Variants in TOM1L2 observed in about 807,000 individuals in gnomAD.
TOM1L2 encodes the protein target of myb1 like 2 membrane trafficking protein.
TOM1L2 carries 31 observed loss-of-function variants against 67.9 expected under a neutral mutation model. The observed-to-expected ratio is 0.46, with a 90% CI of 0.34 to 0.62. TOM1L2 has a LOEUF of 0.62. Ranked by LOEUF, TOM1L2 falls within the 20% of genes least tolerant of loss-of-function variation. The pLI is 0.01. For missense variants in TOM1L2, 606 were observed against 663.5 expected, an observed-to-expected ratio of 0.91 and a Z score of 0.95; for synonymous variants, 256 against 254.0, an observed-to-expected ratio of 1.01 and a Z score of -0.07.
At position 17,912,322 on chromosome 17, in the gene TOM1L2, G is replaced by A. The variant is rs1465879396; in HGVS notation, c.53-4791C>T. On this transcript the variant is annotated intron_variant, in intron 1 of 14. Transcript: ENST00000379504. ...CTCCCTCCCGGACGGGGTGGCTGCC[G>A]GGCGGAGACGCTCCTCACTTCCCAG... Among the ~76,000 whole-genome samples, 65 of 150,594 alleles carry A rather than the reference G, an allele frequency of 4.3e-4. 1 individual carries two copies. Among genetic ancestry groups the A allele is most frequent in the Admixed American group, 4.2e-3 (64 of 15,164 alleles).
chr17:17,970,003 A>C (rs2042006321), intron 1 of TOM1L2, among the ~76,000 whole-genome samples: 1 of 151,864 alleles, frequency 6.6e-6, no homozygotes, highest in African/African-American at 2.4e-5. Flanking sequence ...AGCTCTTTCC[A>C]CTTGCTATAT....
At chr17:17,849,296 A>G (rs1330143971) in intron 13 of TOM1L2, among the ~76,000 whole-genome samples, 1 of 152,220 alleles carries the variant, frequency 6.6e-6, no homozygotes, top group Non-Finnish European at 1.5e-5. Flanking sequence ...ACTGCCAGCC[A>G]CAGGGTTTCT....
rs2041989817 is a variant in TOM1L2, at chr17:17,969,508, CA to C, written c.52+2753del. Among the ~76,000 whole-genome samples, 6 of 149,504 alleles carry C rather than the reference CA, an allele frequency of 4.0e-5. No individual in the cohort carries two copies. In the South Asian group the frequency reaches 1.3e-3, roughly 33 times the overall value. ...AAGTCACTTTGACACTTTGTCACAA[CA>C]GTACGGAATATACATTAGAACCTAA... On this transcript the variant is annotated intron_variant, in intron 1 of 14. Transcript: ENST00000379504.
intron 1 of TOM1L2, among the ~76,000 whole-genome samples, chr17:17,952,036 A>G (rs1037488924): frequency 5.3e-5 from 8 of 152,216 alleles, no homozygotes; most frequent in African/African-American, 1.2e-4. Context: ...ACAAATATAG[A>G]AATGCACAAA....
rs1368741821 is a variant in TOM1L2 at position 17,870,222 on chromosome 17, G to A, written c.778-749C>T. ...CGAAAGAGGAAATTCGCACACCCCC[G>A]GTTGCCCCTGGAGCCCTCTCTACCC... On this transcript the variant is annotated intron_variant, in intron 7 of 14. Coordinates refer to ENST00000379504, the MANE Select transcript of TOM1L2 (RefSeq NM_001082968.2). Among the ~76,000 whole-genome samples the A allele has an allele frequency of 3.3e-5, 5 of 152,168 alleles. No homozygotes were observed. In the South Asian group the frequency reaches 8.3e-4, roughly 25 times the overall value.
chr17:17,964,365 T>G (rs890184651), intron 1 of TOM1L2, among the ~76,000 whole-genome samples: 1 of 152,104 alleles, frequency 6.6e-6, no homozygotes, highest in Non-Finnish European at 1.5e-5. Context: ...TTTCCTAATA[T>G]CCCAAGTAAA....
chr17:17,857,644 A>G, intron 12 of TOM1L2: 1 of 775,716 alleles, frequency 1.3e-6, no homozygotes, highest in Non-Finnish European at 2.0e-6. Context: ...TGCCAGAAAG[A>G]AAGCGTGTGG....
At chr17:17,866,275 T>C (rs188839975) in intron 10 of TOM1L2, 21 bp downstream of exon 10, 3 of 1,605,658 alleles carry the variant, frequency 1.9e-6, no homozygotes, top group African/African-American at 1.3e-5. Flanking sequence ...GTAGGCCCTT[T>C]TGTCCCTGTG....
chr17:17,909,156 G>A (rs778872607), intron 1 of TOM1L2, among the ~76,000 whole-genome samples: 11 of 152,144 alleles, frequency 7.2e-5, no homozygotes, highest in East Asian at 1.9e-4. Flanking sequence ...ATTCCAACCC[G>A]GGCGACAGAG....
At chr17:17,967,790 T>G (rs2041924363) in intron 1 of TOM1L2, among the ~76,000 whole-genome samples, 1 of 152,110 alleles carries the variant, frequency 6.6e-6, no homozygotes, top group Non-Finnish European at 1.5e-5. Flanking sequence ...GTATTTTTAG[T>G]AGAGATGGGG....
chr17:17,929,981 G>C (rs571939887), intron 1 of TOM1L2, among the ~76,000 whole-genome samples: 1 of 152,326 alleles, frequency 6.6e-6, no homozygotes, highest in South Asian at 2.1e-4. Flanking sequence ...CTGTCTCTGT[G>C]TCTTTATGAA....
chr17:17,875,503 AC>A (rs1165139743), intron 7 of TOM1L2, among the ~76,000 whole-genome samples: 1 of 152,070 alleles, frequency 6.6e-6, no homozygotes, highest in African/African-American at 2.4e-5. Flanking sequence ...TGCTCAGGTC[AC>A]CCTTTCCACT....
At chr17:17,866,722 G>C (rs562347568) in intron 9 of TOM1L2, among the ~76,000 whole-genome samples, 154 bp downstream of exon 9, 2 of 152,294 alleles carry the variant, frequency 1.3e-5, no homozygotes. Flanking sequence ...GTGCCTGCTA[G>C]CTCTGCCCTA....
chr17:17,872,129 T>A, intron 7 of TOM1L2: 1 of 811,356 alleles, frequency 1.2e-6, no homozygotes, highest in Non-Finnish European at 1.5e-6. Context: ...ACAATTACTG[T>A]ACACAGGAAA....
At chr17:17,955,457 A>G (rs8065970) in intron 1 of TOM1L2, among the ~76,000 whole-genome samples, 73,949 of 150,252 alleles carry the variant, frequency 0.49, 19,088 homozygotes, top group East Asian at 0.86. Flanking sequence ...TCCAGCCTCC[A>G]TCTCCCACGT....
intron 1 of TOM1L2, among the ~76,000 whole-genome samples, chr17:17,956,931 G>A (rs1418285215): frequency 1.3e-5 from 2 of 152,222 alleles, no homozygotes; most frequent in East Asian, 1.9e-4. Context: ...GTGCAGCGGC[G>A]GGCTGAAGGG....
intron 1 of TOM1L2, among the ~76,000 whole-genome samples, chr17:17,941,249 C>G (rs942128226): frequency 5.3e-5 from 8 of 152,304 alleles, no homozygotes; most frequent in African/African-American, 1.9e-4. Flanking sequence ...TGGGGCACTA[C>G]TGCTGAGCAA....
At chr17:17,887,713 G>A (rs2038070651) in intron 4 of TOM1L2, among the ~76,000 whole-genome samples, 1 of 152,102 alleles carries the variant, frequency 6.6e-6, no homozygotes, top group African/African-American at 2.4e-5. Flanking sequence ...TGGACTCAAG[G>A]GATTCACCCA....
rs765104318 is a variant in TOM1L2 at position 17,847,684 on chromosome 17, G to A, written c.1475C>T (p.Ser492Phe). The A allele has an allele frequency of 2.5e-6, 4 of 1,614,028 alleles. No homozygotes were observed. The highest frequency in any genetic ancestry group is 3.4e-6 in the Non-Finnish European group (4 of 1,179,984). Residue 492 changes from serine to phenylalanine, a missense_variant, in exon 15 of 15, where the codon TCT becomes TTT. Ser to Phe is a radical substitution (Grantham distance 155). Coordinates refer to ENST00000379504, the MANE Select transcript of TOM1L2 (RefSeq NM_001082968.2). ...TGACCGCTCTGGCTTCTTCCGGCCA[G>A]AAGGGTTTGAGGCTGGGGCAGGAGC... ...MEAPAPASNPSGRKKPERSED... is the reference protein window; with the variant it reads ...MEAPAPASNPFGRKKPERSED...
Sources: allele counts gnomAD v4.1 joint callset (sites outside exome capture counted in the v4.1 genomes callset), GRCh38; gene constraint gnomAD v4.1.1; transcripts MANE v1.5; gene names NCBI Gene and HGNC (gene_info 2026-07-23, HGNC 2026-07-21).